Variants in NRXN3 observed in about 807,000 individuals in gnomAD.
NRXN3 encodes neurexin III.
Under a neutral mutation model 137.6 loss-of-function variants are expected in NRXN3, and 32 were observed. That is an observed-to-expected ratio of 0.23 (90% CI 0.18 to 0.31). The LOEUF (loss-of-function observed/expected upper bound fraction) is 0.31. Ranked by LOEUF, NRXN3 falls within the 10% of genes least tolerant of loss-of-function variation. NRXN3 has a pLI of 1.00. For synonymous variants in NRXN3, 798 were observed against 784.5 expected (o/e 1.02, Z -0.29); for missense variants, 1,574 against 2,062.5 (o/e 0.76, Z 4.59).
chr14:78,498,438 A>C (rs999514528), intron 4 of NRXN3, among the ~76,000 whole-genome samples: 22 of 152,186 alleles, frequency 1.4e-4, no homozygotes, highest in African/African-American at 5.3e-4. Flanking sequence ...GACAGGTGGG[A>C]TCCCAGTAGG....
intron 4 of NRXN3, among the ~76,000 whole-genome samples, chr14:78,341,850 C>A (rs1426219857): frequency 6.6e-6 from 1 of 152,112 alleles, no homozygotes; most frequent in African/African-American, 2.4e-5. Flanking sequence ...TCTTTACATC[C>A]CAGAGTGAAT....
intron 4 of NRXN3, among the ~76,000 whole-genome samples, chr14:78,579,035 G>C (rs2096965241): frequency 6.6e-6 from 1 of 152,136 alleles, no homozygotes; most frequent in Non-Finnish European, 1.5e-5. Flanking sequence ...AATTCAGACA[G>C]AGACTTTCAG....
intron 10 of NRXN3, among the ~76,000 whole-genome samples, chr14:78,895,397 C>T (rs1467593791): frequency 6.6e-6 from 1 of 151,886 alleles, no homozygotes; most frequent in Non-Finnish European, 1.5e-5. Context: ...TTTTCTGCAT[C>T]TTCCTCACCT....
intron 4 of NRXN3, among the ~76,000 whole-genome samples, chr14:78,464,314 C>T (rs1281538357): frequency 1.3e-5 from 2 of 152,182 alleles, no homozygotes; most frequent in Non-Finnish European, 2.9e-5. Flanking sequence ...TCTCGGCCTT[C>T]CAAAGTGCTG....
At chr14:79,745,764 A>G (rs1476197252) in intron 19 of NRXN3, among the ~76,000 whole-genome samples, 2 of 131,112 alleles carry the variant, frequency 1.5e-5, no homozygotes, top group Non-Finnish European at 3.2e-5. Flanking sequence ...CCCCCCTGCA[A>G]TCTGCAGGGG....
intron 15 of NRXN3, among the ~76,000 whole-genome samples, chr14:79,275,628 C>G (rs1431612686): frequency 1.3e-5 from 2 of 152,000 alleles, no homozygotes; most frequent in Admixed American, 1.3e-4. Context: ...CAAAGAATCT[C>G]CAGACTATCA....
rs2069438891 is a variant in NRXN3, at chr14:78,255,599, C to T, written c.709+11797C>T. Among the ~76,000 whole-genome samples, 3 of 152,184 alleles carry T rather than the reference C, an allele frequency of 2.0e-5. No individual in the cohort carries two copies. In the South Asian group the frequency reaches 6.2e-4, roughly 32 times the overall value. ...AAGTTGCGATTGCTCAACTGGGTTT[C>T]CTGATTCCTGTGGCAGGAGTATGTG... On this transcript the variant is annotated intron_variant, in intron 2 of 20. Transcript: ENST00000335750.
chr14:79,258,384 T>C, intron 15 of NRXN3, among the ~76,000 whole-genome samples: 1 of 152,132 alleles, frequency 6.6e-6, no homozygotes, highest in East Asian at 1.9e-4. Flanking sequence ...TTTTTGTTTT[T>C]GGTAGAGACC....
rs1210396160 is a variant in NRXN3, at chr14:79,787,645, G to A, written c.4015-17467G>A. ...TTTCTACATACAGGTGAGATCATAC[G>A]GGATTTGTCTCTCTGTGCCTGGCTT... On this transcript the variant is annotated intron_variant, in intron 19 of 20. Coordinates refer to ENST00000335750, the MANE Select transcript of NRXN3 (RefSeq NM_001330195.2). Among the ~76,000 whole-genome samples the A allele has an allele frequency of 5.3e-5, 8 of 152,164 alleles. No homozygotes were observed. In the East Asian group the frequency reaches 1.4e-3, roughly 26 times the overall value.
intron 16 of NRXN3, among the ~76,000 whole-genome samples, chr14:79,554,219 G>C (rs1248683575): frequency 1.3e-5 from 2 of 152,160 alleles, no homozygotes; most frequent in African/African-American, 2.4e-5. Flanking sequence ...CTGAAGGTCT[G>C]CATGTGGTGA....
At chr14:78,369,631 T>C (rs1005969591) in intron 4 of NRXN3, among the ~76,000 whole-genome samples, 1 of 152,224 alleles carries the variant, frequency 6.6e-6, no homozygotes, top group Non-Finnish European at 1.5e-5. Context: ...TTTTAACAGT[T>C]ACTTATTGGA....
intron 4 of NRXN3, among the ~76,000 whole-genome samples, chr14:78,533,496 G>A (rs1203349574): frequency 3.3e-5 from 5 of 152,046 alleles, no homozygotes; most frequent in African/African-American, 1.2e-4. Context: ...TTCTGTATAA[G>A]GCTGTCCACG....
intron 4 of NRXN3, among the ~76,000 whole-genome samples, chr14:78,329,771 A>G (rs1317277393): frequency 6.6e-6 from 1 of 152,188 alleles, no homozygotes; most frequent in Non-Finnish European, 1.5e-5. Context: ...GAAGCCCATG[A>G]CTGTTTTCTC....
intron 6 of NRXN3, among the ~76,000 whole-genome samples, chr14:78,673,540 G>A (rs550935189): frequency 7.9e-5 from 12 of 152,150 alleles, no homozygotes; most frequent in African/African-American, 2.4e-5. Context: ...AGATGTCTCC[G>A]TCAGTTCAGG....
intron 16 of NRXN3, chr14:79,611,281 T>TA (rs894564311): frequency 1.3e-5 from 2 of 152,240 alleles, no homozygotes; most frequent in African/African-American, 4.8e-5. Context: ...TTATGACCTA[T>TA]AACTGTGTGA....
intron 15 of NRXN3, among the ~76,000 whole-genome samples, chr14:79,149,280 C>T (rs553478234): frequency 2.6e-5 from 4 of 151,948 alleles, no homozygotes; most frequent in African/African-American, 9.6e-5. Flanking sequence ...GACCTGGCAT[C>T]ACCATTCCAT....
chr14:78,265,145 G>A (rs959956962), intron 2 of NRXN3, among the ~76,000 whole-genome samples: 5 of 152,206 alleles, frequency 3.3e-5, no homozygotes, highest in Admixed American at 3.3e-4. Flanking sequence ...TTTGGTGATA[G>A]GTTGGCACTG....
chr14:79,626,069 A>G (rs1192641497), intron 16 of NRXN3, among the ~76,000 whole-genome samples: 1 of 152,214 alleles, frequency 6.6e-6, no homozygotes, highest in Admixed American at 6.5e-5. Context: ...TGCTTATATT[A>G]AAGAGGGAAA....
intron 10 of NRXN3, among the ~76,000 whole-genome samples, chr14:78,876,902 T>C (rs1245910513): frequency 6.6e-6 from 1 of 152,198 alleles, no homozygotes; most frequent in African/African-American, 2.4e-5. Flanking sequence ...AGGCGAGCTA[T>C]ATTGTAAAAA....
Sources: gnomAD v4.1 joint callset for allele counts (sites outside exome capture counted in the v4.1 genomes callset) on GRCh38, gnomAD v4.1.1 for gene constraint, MANE v1.5 for transcripts, NCBI Gene and HGNC (gene_info 2026-07-23, HGNC 2026-07-21) for gene names.